CNGA4: variants seen among roughly 807,000 people sequenced by gnomAD.
CNGA4 encodes the protein cyclic nucleotide-gated channel alpha-4.
A neutral mutation model predicts 45.6 loss-of-function variants in CNGA4; 32 were observed. The ratio of observed to expected loss-of-function variants is 0.70; its 90% CI spans 0.53 to 0.94. CNGA4 has a LOEUF of 0.94. CNGA4 is among the 40% of genes least tolerant of loss of function. The pLI is 0.00. For missense variants in CNGA4, 726 were observed against 755.1 expected (o/e 0.96, Z 0.45); for synonymous variants, 293 against 304.6 (o/e 0.96, Z 0.40).
Position 6,244,333 on chromosome 11 carries a change from A to C in CNGA4, c.1652A>C (p.Glu551Ala), listed in dbSNP as rs1847962080. 1 of 1,613,988 alleles carries C rather than the reference A, an allele frequency of 6.2e-7. No homozygotes were observed. Among genetic ancestry groups the C allele is most frequent in the South Asian group, 1.1e-5 (1 of 91,080 alleles). Reference sequence around the variant, plus strand: ...GAGGACCTGGCTGAGGCTGATGACGAGGGTGAGCCTGAGGAGGGAACTTCC... The same window carrying C: ...GAGGACCTGGCTGAGGCTGATGACGCGGGTGAGCCTGAGGAGGGAACTTCC... ...MPEDLAEADD[E>A]GEPEEGTSKD... The change falls in exon 6 of 6, where the codon GAG (glutamate) becomes GCG (alanine). Residue 551 changes from glutamate to alanine, a missense_variant. Coordinates refer to ENST00000379936, the MANE Select transcript of CNGA4 (RefSeq NM_001037329.4). The surrounding 1 kb of genome is among the most constrained non-coding windows in gnomAD (Gnocchi z 4.5).
chr11:6,235,489 G>C (rs1847819333), upstream of CNGA4: 2 of 985,376 alleles, frequency 2.0e-6, no homozygotes, highest in Non-Finnish European at 1.2e-6. Context: ...CACTTAGCAT[G>C]ATTTGCATGT....
At chr11:6,242,100 T>C (rs1847927654) in intron 5 of CNGA4, 1 of 427,586 alleles carries the variant, frequency 2.3e-6, no homozygotes, top group African/African-American at 2.0e-5. Context: ...CTAATATTTA[T>C]TACCTGCTTA....
At chr11:6,243,064 A>G (rs1847939297) in intron 5 of CNGA4, among the ~76,000 whole-genome samples, 1 of 152,082 alleles carries the variant, frequency 6.6e-6, no homozygotes, top group African/African-American at 2.4e-5. Flanking sequence ...TGAACTGCTT[A>G]CTATTTTCTG....
intron 5 of CNGA4, among the ~76,000 whole-genome samples, chr11:6,243,600 C>A (rs1436105681): frequency 6.6e-6 from 1 of 152,218 alleles, no homozygotes; most frequent in South Asian, 2.1e-4. Context: ...CTTAGGACAT[C>A]CCTTCCTCCA....
chr11:6,244,552 G>A (rs2133882987), downstream of CNGA4: 1 of 654,442 alleles, frequency 1.5e-6, no homozygotes. The surrounding 1 kb of genome is among the most constrained non-coding windows in gnomAD (Gnocchi z 4.5). Context: ...AGAGATATAG[G>A]AGTTTAACGC....
Position 6,239,666 on chromosome 11 carries a change from C to CTTAA in CNGA4, c.165-17_165-14dup. Reference sequence around the variant, plus strand: ...AGAGGGTGCCCTTAATTCAATCATGCTTAACCCTGCCCTGCAGAGCCTGCT... The same window carrying CTTAA: ...AGAGGGTGCCCTTAATTCAATCATGCTTAATTAACCCTGCCCTGCAGAGCCTGCT... On this transcript the variant is annotated splice_polypyrimidine_tract_variant and intron_variant, in intron 2 of 5. Coordinates refer to ENST00000379936, the MANE Select transcript of CNGA4 (RefSeq NM_001037329.4). 1 of 1,612,558 alleles carries CTTAA rather than the reference C, an allele frequency of 6.2e-7. No homozygotes were observed. Among genetic ancestry groups the CTTAA allele is most frequent in the Non-Finnish European group, 8.5e-7 (1 of 1,178,994 alleles).
downstream of CNGA4, among the ~76,000 whole-genome samples, chr11:6,244,583 A>C (rs1847966775): frequency 9.5e-6 from 1 of 104,752 alleles, no homozygotes; most frequent in African/African-American, 3.9e-5. This position sits in a 1 kb window ranked among gnomAD's most constrained non-coding sequence, Gnocchi z 4.5. Flanking sequence ...CCCACTTACC[A>C]GTACACACAC....
At chr11:6,244,929 G>A (rs2133883474), downstream of CNGA4, among the ~76,000 whole-genome samples, 1 of 152,288 alleles carries the variant, frequency 6.6e-6, no homozygotes, top group East Asian at 1.9e-4. This position sits in a 1 kb window ranked among gnomAD's most constrained non-coding sequence, Gnocchi z 4.5. Flanking sequence ...CGATTCACAA[G>A]TATACCCTGA....
At chr11:6,244,567 T>TCAGCCCC (rs1460867813), downstream of CNGA4, 1 of 579,114 alleles carries the variant, frequency 1.7e-6, no homozygotes, top group East Asian at 3.2e-5. This position sits in a 1 kb window ranked among gnomAD's most constrained non-coding sequence, Gnocchi z 4.5. Context: ...TAACGCACAT[T>TCAGCCCC]CAGCCCCCAC....
Position 6,240,851 on chromosome 11 carries a change from G to T in CNGA4, c.917+140G>T. 1.8e-6 allele frequency: 2 copies of T among 1,093,420 alleles called. No homozygotes were observed. Among genetic ancestry groups the T allele is most frequent in the East Asian group, 2.5e-5 (1 of 39,608 alleles). 67.7% of individuals were successfully genotyped at this position (1,093,420 alleles called of 1,614,324 possible). On this transcript the variant is annotated intron_variant, in intron 4 of 5. Coordinates refer to ENST00000379936, the MANE Select transcript of CNGA4 (RefSeq NM_001037329.4). This position sits in a 1 kb window ranked among gnomAD's most constrained non-coding sequence, Gnocchi z 4.9. ...TTCAGCCGTGGGTTTGCTGGCTGGG[G>T]CTTGGAAAAAGGGAACTTCTTTCAA...
Position 6,239,983 on chromosome 11 carries a change from C to CT in CNGA4, c.272-82dup, listed in dbSNP as rs1425620392. The CT allele has an allele frequency of 7.3e-6, 11 of 1,511,446 alleles. No homozygotes were observed. The East Asian group carries it at 2.3e-4, about 31-fold the overall frequency. 93.6% of individuals were successfully genotyped at this position (1,511,446 alleles called of 1,614,324 possible). A position where few individuals can be genotyped will look rare whatever the true frequency, so the allele number is the denominator to read the frequency against. ...GGCTCCACTCTGTCCTTCAGACAGT[C>CT]TCCCTGGCCTGCCCTGGGCAGCTCA... On this transcript the variant is annotated intron_variant, in intron 3 of 5. Transcript: ENST00000379936.
Position 6,239,204 on chromosome 11 carries a change from AC to A in CNGA4, c.-1del, listed in dbSNP as rs1440019987. On this transcript the variant is annotated 5_prime_UTR_variant, in exon 1 of 6. Coordinates refer to ENST00000379936, the MANE Select transcript of CNGA4 (RefSeq NM_001037329.4). Reference sequence around the variant, plus strand: ...TCACACCCCAGCACCAGACCACAGAACCATGAGCCAGGACACCAAAGTGAAG... The same window carrying A: ...TCACACCCCAGCACCAGACCACAGAACATGAGCCAGGACACCAAAGTGAAG... 1 of 1,613,490 alleles carries A rather than the reference AC, an allele frequency of 6.2e-7. No individual in the cohort carries two copies. Among genetic ancestry groups the A allele is most frequent in the South Asian group, 1.1e-5 (1 of 91,044 alleles).
At chr11:6,242,117 C>T (rs1008795068) in intron 5 of CNGA4, 1 of 424,994 alleles carries the variant, frequency 2.4e-6, no homozygotes, top group Admixed American at 4.0e-5. Flanking sequence ...CTTACTGCAT[C>T]CCCTTTTCTA....
chr11:6,239,435 G>A lies in CNGA4; in HGVS notation c.114G>A (p.Leu38=). Residue 38 remains leucine (L), a synonymous_variant, in exon 2 of 6, where the codon CTG becomes CTA. Transcript: ENST00000379936. Reference sequence around the variant, plus strand: ...CTGGGGATTACTACTACTGGTGGCTGAACACAATGGTCTTCCCAGTCATGT... The same window carrying A: ...CTGGGGATTACTACTACTGGTGGCTAAACACAATGGTCTTCCCAGTCATGT... ...DPSGDYYYWW[L]NTMVFPVMYN... 1.2e-6 allele frequency: 2 copies of A among 1,614,190 alleles called. No homozygotes were observed. Among genetic ancestry groups the A allele is most frequent in the Non-Finnish European group, 1.7e-6 (2 of 1,180,032 alleles).
chr11:6,239,639 A>C, intron 2 of CNGA4, 45 bp from the exon 3 acceptor site: 3 of 1,595,480 alleles, frequency 1.9e-6, no homozygotes, highest in Non-Finnish European at 2.6e-6. Context: ...CGCCTCGCAC[A>C]CAGAGGGTGC....
At chr11:6,238,934 C>T (rs1424657515), upstream of CNGA4, 2 of 552,870 alleles carry the variant, frequency 3.6e-6, no homozygotes, top group Non-Finnish European at 4.6e-6. Flanking sequence ...TGCACCCCCA[C>T]CTTCTCCAGG....
At chr11:6,244,585 T>TACACACACACAC (rs59621297), downstream of CNGA4, among the ~76,000 whole-genome samples, 3 of 141,828 alleles carry the variant, frequency 2.1e-5, no homozygotes, top group Non-Finnish European at 3.1e-5. The surrounding 1 kb of genome is among the most constrained non-coding windows in gnomAD (Gnocchi z 4.5). Context: ...CACTTACCAG[T>TACACACACACAC]ACACACACAC....
chr11:6,241,442 T>G lies in CNGA4; in HGVS notation c.929T>G (p.Leu310Arg). ...ERRVIDWYQH[L>R]QINKKMTNEV... ...GTCCTTACTCTCAGGTATCAGCACC[T>G]GCAGATCAACAAGAAGATGACCAAC... The change falls in exon 5 of 6, where the codon CTG becomes CGG. Residue 310 changes from leucine to arginine, a missense_variant. By Grantham distance (102) the Leu-to-Arg change is moderately radical (BLOSUM62 -2). Transcript: ENST00000379936. 1 of 1,581,772 alleles carries G rather than the reference T, an allele frequency of 6.3e-7. No homozygotes were observed. The highest frequency in any genetic ancestry group is 1.2e-5 in the South Asian group (1 of 85,774).
At chr11:6,241,959 G>A (rs1847926132) in intron 5 of CNGA4, 179 bp downstream of exon 5, 2 of 615,388 alleles carry the variant, frequency 3.2e-6, no homozygotes, top group South Asian at 3.9e-5. Context: ...TCCATTCCCT[G>A]AGAAGAAGCT....
Sources: allele counts gnomAD v4.1 joint callset (sites outside exome capture counted in the v4.1 genomes callset), GRCh38; gene constraint gnomAD v4.1.1; non-coding constraint Gnocchi (gnomAD v3.1); transcripts MANE v1.5; gene names NCBI Gene and HGNC (gene_info 2026-07-23, HGNC 2026-07-21).